The following CDH4 variants were observed in gnomAD, a reference collection of about 807,000 sequenced individuals.
CDH4 encodes cadherin-4.
In CDH4, 33 loss-of-function variants were observed where a neutral mutation model predicts 86.0. That is an observed-to-expected ratio of 0.38 (90% confidence interval 0.29 to 0.51). The LOEUF is 0.51. Among genes scored for constraint, CDH4 ranks in the 20% least tolerant of loss-of-function variants. The pLI is 0.86. For missense variants in CDH4, 1,114 were observed against 1,307.4 expected (o/e 0.85, Z 2.28); for synonymous variants, 555 against 549.4 (o/e 1.01, Z -0.14).
chr20:61,778,570 A>G (rs1978368712), intron 4 of CDH4, among the ~76,000 whole-genome samples: 1 of 152,064 alleles, frequency 6.6e-6, no homozygotes, highest in Non-Finnish European at 1.5e-5. Context: ...AGCCAGGGGT[A>G]TCTGTGGCAA....
In CDH4 at chr20:61,719,321, C is replaced by T. The variant is rs753227622; in HGVS notation, c.170-24242C>T. 125 of 353,648 alleles carry T rather than the reference C, an allele frequency of 3.5e-4. 2 individuals carry two copies. Among genetic ancestry groups the T allele is most frequent in the Middle Eastern group, 1.2e-3 (2 of 1,688 alleles). 21.9% of individuals were successfully genotyped at this position (353,648 alleles called of 1,614,324 possible). On this transcript the variant is annotated intron_variant, in intron 2 of 15. Transcript: ENST00000614565. Reference sequence around the variant, plus strand: ...CCTCATTGCAGAATCTTCCAAGGTACGAGTCAGCCACGGAGGCCTGTGAGG... The same window carrying T: ...CCTCATTGCAGAATCTTCCAAGGTATGAGTCAGCCACGGAGGCCTGTGAGG...
chr20:61,446,819 T>TTA (rs1400432017), intron 2 of CDH4, among the ~76,000 whole-genome samples: 2 of 152,172 alleles, frequency 1.3e-5, no homozygotes, highest in Non-Finnish European at 2.9e-5. Flanking sequence ...GTGTGTACAA[T>TTA]TATATATATA....
At chr20:61,846,711 G>C (rs1299706044) in intron 5 of CDH4, among the ~76,000 whole-genome samples, 1 of 152,204 alleles carries the variant, frequency 6.6e-6, no homozygotes. Flanking sequence ...TGTGGGGCAG[G>C]GGGAGCCAAC....
chr20:61,706,555 G>C (rs994818394), intron 2 of CDH4, among the ~76,000 whole-genome samples: 2 of 152,200 alleles, frequency 1.3e-5, no homozygotes, highest in African/African-American at 4.8e-5. Context: ...GGATGGAAAG[G>C]CCAGCCCAAA....
chr20:61,649,242 C>T (rs543144254), intron 2 of CDH4, among the ~76,000 whole-genome samples: 7 of 152,280 alleles, frequency 4.6e-5, no homozygotes, highest in South Asian at 2.1e-4. Context: ...CCCCCGAGCA[C>T]GCACGCTCAC....
At chr20:61,812,836 A>G (rs34614412) in intron 4 of CDH4, among the ~76,000 whole-genome samples, 11,867 of 152,260 alleles carry the variant, frequency 0.078, 927 homozygotes, top group African/African-American at 0.2. Flanking sequence ...TCTCCAGGCC[A>G]TGACAGCCAT....
intron 6 of CDH4, among the ~76,000 whole-genome samples, chr20:61,853,421 C>T (rs565565134): frequency 4.6e-5 from 7 of 152,238 alleles, no homozygotes; most frequent in African/African-American, 1.7e-4. Flanking sequence ...GGCCCGGACT[C>T]CCCCCACAGA....
chr20:61,418,236 A>C lies in CDH4; in HGVS notation c.169+163299A>C, dbSNP rs561783128. On this transcript the variant is annotated intron_variant, in intron 2 of 15. Transcript: ENST00000614565. ...TTTTTTTTTTTTTTCCCTGAGACAG[A>C]GTCTCGCTCTGTCCCCCAGGCTGGA... Among the ~76,000 whole-genome samples the C allele has an allele frequency of 6.3e-5, 9 of 143,558 alleles. 1 individual carries two copies. In the South Asian group the frequency reaches 2.0e-3, roughly 32 times the overall value. 94.2% of individuals were successfully genotyped at this position (143,558 alleles called of 152,430 possible).
chr20:61,630,822 C>T (rs2086880090), intron 2 of CDH4, among the ~76,000 whole-genome samples: 2 of 152,200 alleles, frequency 1.3e-5, no homozygotes, highest in South Asian at 4.1e-4. Context: ...TATTCATTCA[C>T]CAAACCCGTC....
chr20:61,651,982 A>G (rs1157547836), intron 2 of CDH4, among the ~76,000 whole-genome samples: 1 of 152,174 alleles, frequency 6.6e-6, no homozygotes, highest in Non-Finnish European at 1.5e-5. Flanking sequence ...GTCCCGCAGG[A>G]GGAGGTGATG....
intron 3 of CDH4, among the ~76,000 whole-genome samples, chr20:61,768,885 G>A (rs562803209): frequency 1.3e-5 from 2 of 152,196 alleles, no homozygotes; most frequent in South Asian, 2.1e-4. Context: ...CTAAGCAAAT[G>A]AAAATGAAGG....
At chr20:61,751,287 A>G (rs2088491427) in intron 3 of CDH4, among the ~76,000 whole-genome samples, 1 of 152,202 alleles carries the variant, frequency 6.6e-6, no homozygotes, top group African/African-American at 2.4e-5. Flanking sequence ...CATAACCTCC[A>G]TATGCAACCA....
chr20:61,736,429 G>A (rs1008733305), intron 2 of CDH4, among the ~76,000 whole-genome samples: 2 of 152,278 alleles, frequency 1.3e-5, no homozygotes, highest in Admixed American at 1.3e-4. Context: ...CCCAGCCTGG[G>A]TCAGGCTCTC....
At chr20:61,591,748 T>C (rs1372369463) in intron 2 of CDH4, among the ~76,000 whole-genome samples, 2 of 152,204 alleles carry the variant, frequency 1.3e-5, no homozygotes, top group Non-Finnish European at 2.9e-5. Flanking sequence ...ATGCATAATT[T>C]TGTAGCATCA....
intron 2 of CDH4, among the ~76,000 whole-genome samples, chr20:61,442,784 T>TA (rs1052273078): frequency 4.6e-5 from 7 of 152,194 alleles, no homozygotes; most frequent in South Asian, 2.1e-4. Flanking sequence ...TTTATGCTGA[T>TA]AAAAAAATAC....
In CDH4 at chr20:61,807,562, G is replaced by A. The variant is rs1366901283; in HGVS notation, c.576+34380G>A. Among the ~76,000 whole-genome samples, 1 of 152,238 alleles carries A rather than the reference G, an allele frequency of 6.6e-6. No homozygotes were observed. The highest frequency in any genetic ancestry group is 1.9e-4 in the East Asian group (1 of 5,196). On this transcript the variant is annotated intron_variant, in intron 4 of 15. Coordinates refer to ENST00000614565, the MANE Select transcript of CDH4 (RefSeq NM_001794.5). This position sits in a 1 kb window ranked among gnomAD's most constrained non-coding sequence, Gnocchi z 4.5. ...GTGCAGCTGTGTCCACCATCAGCGA[G>A]GGGAGTGTGACCAAGGGCAGGTGTT...
At chr20:61,339,788 T>C (rs889993455) in intron 2 of CDH4, among the ~76,000 whole-genome samples, 2 of 152,124 alleles carry the variant, frequency 1.3e-5, no homozygotes, top group Non-Finnish European at 2.9e-5. Context: ...TCGCTGGGGA[T>C]TGGAAGTCTT....
chr20:61,600,713 T>C (rs2086593790), intron 2 of CDH4, among the ~76,000 whole-genome samples: 1 of 152,246 alleles, frequency 6.6e-6, no homozygotes, highest in Admixed American at 6.5e-5. Flanking sequence ...GCAAGTAACC[T>C]ACACACATCC....
rs2085701284 is a variant in CDH4 at position 61,501,550 on chromosome 20, T to C, written c.170-242013T>C. 6.6e-6 allele frequency among the ~76,000 whole-genome samples: 1 copy of C among 152,182 alleles called. No homozygotes were observed. The highest frequency in any genetic ancestry group is 2.4e-5 in the African/African-American group (1 of 41,456). On this transcript the variant is annotated intron_variant, in intron 2 of 15. Coordinates refer to ENST00000614565, the MANE Select transcript of CDH4 (RefSeq NM_001794.5). The surrounding 1 kb of genome is among the most constrained non-coding windows in gnomAD (Gnocchi z 4.2). ...GCCGTCTCTGCCCCCTCATCCTTGC[T>C]GAATCTCAGAACCTTTGGGCCTGCA...
Sources: allele counts gnomAD v4.1 joint callset (sites outside exome capture counted in the v4.1 genomes callset), GRCh38; gene constraint gnomAD v4.1.1; non-coding constraint Gnocchi (gnomAD v3.1); transcripts MANE v1.5; gene names NCBI Gene and HGNC (gene_info 2026-07-23, HGNC 2026-07-21).